The following CFAP52 variants were observed in gnomAD, a reference collection of about 807,000 sequenced individuals.
CFAP52 encodes the protein cilia- and flagella-associated protein 52.
A neutral mutation model predicts 70.5 loss-of-function variants in CFAP52; 57 were observed. That is an observed-to-expected ratio of 0.81 (90% CI 0.65 to 1.01). The LOEUF is 1.01. CFAP52 is among the 50% of genes least tolerant of loss of function. The pLI is 0.00. For synonymous variants in CFAP52, 267 were observed against 292.5 expected, an observed-to-expected ratio of 0.91 and a Z score of 0.89; for missense variants, 785 against 788.5, an observed-to-expected ratio of 1.00 and a Z score of 0.05.
At chr17:9,584,835 C>T (rs28555611) in intron 1 of CFAP52, among the ~76,000 whole-genome samples, 3,532 of 152,120 alleles carry the variant, frequency 0.023, 156 homozygotes, top group African/African-American at 0.081. Context: ...GTTGGCCAGG[C>T]TGGTCTTGAA....
At chr17:9,639,353 C>T (rs1281115920) in intron 12 of CFAP52, among the ~76,000 whole-genome samples, 1 of 151,766 alleles carries the variant, frequency 6.6e-6, no homozygotes, top group Non-Finnish European at 1.5e-5. Flanking sequence ...ATTGCTTGAA[C>T]CTGGGAAGTG....
intron 3 of CFAP52, among the ~76,000 whole-genome samples, chr17:9,591,119 C>A (rs1274989104): frequency 7.8e-6 from 1 of 128,054 alleles, no homozygotes; most frequent in Non-Finnish European, 1.6e-5. Context: ...CTCACCACAA[C>A]CTCTGCCTCC....
chr17:9,641,852 G>C lies in CFAP52; in HGVS notation c.1687+17G>C, dbSNP rs1911078947. 6.2e-7 allele frequency: 1 copy of C among 1,606,198 alleles called. No individual in the cohort carries two copies. Among genetic ancestry groups the C allele is most frequent in the Non-Finnish European group, 8.5e-7 (1 of 1,173,202 alleles). On this transcript the variant is annotated intron_variant, in intron 13 of 13. Transcript: ENST00000352665. ...TTGTCACAGGTTAGTCCTGGGATAGGAAAAAGCCAAGCCTGGCTTATTTAG... is the reference window on the plus strand; with the variant it reads ...TTGTCACAGGTTAGTCCTGGGATAGCAAAAAGCCAAGCCTGGCTTATTTAG...
chr17:9,594,461 C>G (rs1908911750), intron 4 of CFAP52, 140 bp downstream of exon 4: 4 of 1,123,208 alleles, frequency 3.6e-6, no homozygotes, highest in Non-Finnish European at 4.8e-6. Flanking sequence ...TGATTTTGTA[C>G]TCATTAAAAG....
chr17:9,589,485 C>A (rs1425670814), intron 3 of CFAP52, among the ~76,000 whole-genome samples: 1 of 152,098 alleles, frequency 6.6e-6, no homozygotes, highest in Non-Finnish European at 1.5e-5. Context: ...GAAATCCCAG[C>A]ACTTTGGGAG....
chr17:9,631,058 GAAAGAAAGAAAGAAAGAAAGAAAGAGAA>G (rs1910502122), intron 9 of CFAP52, among the ~76,000 whole-genome samples: 2 of 115,754 alleles, frequency 1.7e-5, no homozygotes, highest in Admixed American at 8.3e-5. Context: ...GAGAGAGAAA[GAAAGAAAGAAAGAAAGAAAGAAAGAGAA>G]AGAAAGAAAG....
intron 10 of CFAP52, among the ~76,000 whole-genome samples, chr17:9,633,487 G>A (rs897146028): frequency 7.2e-5 from 11 of 152,202 alleles, no homozygotes; most frequent in East Asian, 5.8e-4. Flanking sequence ...TTACAGGTAT[G>A]AGCAACCATG....
At chr17:9,585,403 T>C (rs1033917378) in intron 1 of CFAP52, among the ~76,000 whole-genome samples, 1 of 152,122 alleles carries the variant, frequency 6.6e-6, no homozygotes, top group Non-Finnish European at 1.5e-5. Context: ...GCGCGGTGGC[T>C]CACACCTGTA....
Position 9,585,305 on chromosome 17 carries a change from G to A in CFAP52, c.71-468G>A, listed in dbSNP as rs192230550. On this transcript the variant is annotated intron_variant, in intron 1 of 13. Transcript: ENST00000352665. ...ATCAAAGTTTAAGATGTGATTACTA[G>A]ATGAACGTTTTTGTCAGTGAAATAA... Among the ~76,000 whole-genome samples, 18 of 152,308 alleles carry A rather than the reference G, an allele frequency of 1.2e-4. 1 individual carries two copies. The East Asian group carries it at 3.5e-3, about 29-fold the overall frequency.
At chr17:9,636,781 T>C (rs1380071350) in intron 11 of CFAP52, among the ~76,000 whole-genome samples, 1 of 151,992 alleles carries the variant, frequency 6.6e-6, no homozygotes, top group African/African-American at 2.4e-5. Flanking sequence ...GCGCGGTGGC[T>C]CCCGCCTGTA....
At chr17:9,625,680 A>G (rs1054301807) in intron 8 of CFAP52, among the ~76,000 whole-genome samples, 3 of 152,178 alleles carry the variant, frequency 2.0e-5, no homozygotes, top group Admixed American at 6.5e-5. Context: ...CATGCTAACA[A>G]TTCTCAACCC....
At chr17:9,616,158 G>A (rs1210347569) in intron 8 of CFAP52, among the ~76,000 whole-genome samples, 13 of 151,210 alleles carry the variant, frequency 8.6e-5, no homozygotes, top group South Asian at 2.1e-4. Flanking sequence ...TGCGCGAGCC[G>A]AAGCAGGTCG....
Position 9,643,240 on chromosome 17 carries a change from C to A in CFAP52, c.*42C>A. 1 of 1,459,834 alleles carries A rather than the reference C, an allele frequency of 6.9e-7. No individual in the cohort carries two copies. Among genetic ancestry groups the A allele is most frequent in the South Asian group, 1.7e-5 (1 of 59,758 alleles). 90.4% of individuals were successfully genotyped at this position (1,459,834 alleles called of 1,614,324 possible). ...CTGAGCCTTGGCGTTGCACGCAGTC[C>A]TGTTGAAGACTGAGTTTAGATAACT... On this transcript the variant is annotated 3_prime_UTR_variant, in exon 14 of 14. Coordinates refer to ENST00000352665, the MANE Select transcript of CFAP52 (RefSeq NM_145054.5).
At chr17:9,586,091 T>C (rs1908460243) in intron 2 of CFAP52, 119 bp downstream of exon 2, 1 of 1,050,264 alleles carries the variant, frequency 9.5e-7, no homozygotes, top group Non-Finnish European at 1.4e-6. Flanking sequence ...CTTCTTCTTC[T>C]TTTTGACTTC....
At chr17:9,638,754 G>C in intron 12 of CFAP52, 43 bp downstream of exon 12, 1 of 1,595,366 alleles carries the variant, frequency 6.3e-7, no homozygotes, top group Non-Finnish European at 8.6e-7. Flanking sequence ...CAGCGCAAGA[G>C]AAAAGCAGTG....
At chr17:9,584,298 G>A in intron 1 of CFAP52, 1 of 1,288,710 alleles carries the variant, frequency 7.8e-7, no homozygotes, top group South Asian at 1.2e-5. Context: ...TACCTTGGCA[G>A]ATATTTGGAG....
intron 1 of CFAP52, among the ~76,000 whole-genome samples, chr17:9,582,889 G>A (rs927838263): frequency 2.0e-5 from 3 of 152,152 alleles, no homozygotes; most frequent in Non-Finnish European, 4.4e-5. Flanking sequence ...TGCCTGCCTC[G>A]GCCTCCCAAA....
At chr17:9,584,341 A>G (rs1908349951) in intron 1 of CFAP52, 1 of 1,290,534 alleles carries the variant, frequency 7.7e-7, no homozygotes, top group Non-Finnish European at 1.0e-6. Context: ...AGGTGTCACC[A>G]TGAAAGGTCC....
chr17:9,579,811 A>G (rs1597757674), intron 1 of CFAP52, among the ~76,000 whole-genome samples: 2 of 151,978 alleles, frequency 1.3e-5, no homozygotes, highest in Admixed American at 1.3e-4. Flanking sequence ...CAGGTGATCC[A>G]CCCGCCTCGG....
Sources: allele counts gnomAD v4.1 joint callset (sites outside exome capture counted in the v4.1 genomes callset), GRCh38; gene constraint gnomAD v4.1.1; transcripts MANE v1.5; gene names NCBI Gene and HGNC (gene_info 2026-07-23, HGNC 2026-07-21).